Variants in BOD1L1 observed in about 807,000 individuals in gnomAD.
BOD1L1 encodes biorientation of chromosomes in cell division 1 like 1, also known as biorientation of chromosomes in cell division protein 1-like 1.
A neutral mutation model predicts 240.7 loss-of-function variants in BOD1L1; 86 were observed. The ratio of observed to expected loss-of-function variants is 0.36; its 90% CI spans 0.30 to 0.43. BOD1L1 has a LOEUF of 0.43. Ranked by LOEUF, BOD1L1 falls within the 20% of genes least tolerant of loss-of-function variation. The pLI is 1.00. For synonymous variants in BOD1L1, 1,268 were observed against 1,272.3 expected, an observed-to-expected ratio of 1.00 and a Z score of 0.07; for missense variants, 3,554 against 3,643.5, an observed-to-expected ratio of 0.98 and a Z score of 0.63.
intron 23 of BOD1L1, 28 bp from the exon 24 acceptor site, chr4:13,577,515 G>T: frequency 6.2e-7 from 1 of 1,609,224 alleles, no homozygotes. Context: ...AAAGTCAAAA[G>T]GGTGGTCAGC....
chr4:13,587,596 G>T (rs1004967813), intron 16 of BOD1L1, 103 bp downstream of exon 16: 16 of 821,008 alleles, frequency 1.9e-5, no homozygotes, highest in Non-Finnish European at 2.7e-5. Flanking sequence ...GTAAAGTAGA[G>T]AGTTACTATC....
intron 15 of BOD1L1, 132 bp downstream of exon 15, chr4:13,588,590 A>G: frequency 1.4e-6 from 1 of 692,126 alleles, no homozygotes; most frequent in Non-Finnish European, 2.3e-6. Flanking sequence ...TAAAAGTGAC[A>G]TGTGGAACTC....
At chr4:13,581,669 C>G (rs993195151) in intron 19 of BOD1L1, among the ~76,000 whole-genome samples, 3 of 152,162 alleles carry the variant, frequency 2.0e-5, no homozygotes, top group African/African-American at 7.2e-5. Context: ...GGCTGTGTCT[C>G]TTGATTTATG....
rs1179954745 is a variant in BOD1L1 at position 13,615,481 on chromosome 4, A to T, written c.390T>A (p.Gly130=). The T allele has an allele frequency of 4.4e-6, 7 of 1,608,522 alleles. No individual in the cohort carries two copies. Among genetic ancestry groups the T allele is most frequent in the Non-Finnish European group, 5.9e-6 (7 of 1,177,350 alleles). The change falls in exon 3 of 26, where the codon GGT becomes GGA. Residue 130 remains glycine (G), a synonymous_variant. Transcript: ENST00000040738. ...QVLKSGMLES[G]IDRIISQVVD... is the part of the protein sequence containing the mutation. ...CAACCTGAGAAATAATTCGGTCAAT[A>T]CCAGACTCCAACATTCCTGATCTGA...
intron 22 of BOD1L1, among the ~76,000 whole-genome samples, chr4:13,579,247 T>C (rs1713022055): frequency 6.6e-6 from 1 of 152,208 alleles, no homozygotes; most frequent in Admixed American, 6.5e-5. Context: ...TTATAAAGAT[T>C]TCTTGTATGG....
chr4:13,604,902 C>G lies in BOD1L1; in HGVS notation c.1998G>C (p.Gly666=), dbSNP rs1054368388. 6.2e-7 allele frequency: 1 copy of G among 1,613,260 alleles called. No individual in the cohort carries two copies. The highest frequency in any genetic ancestry group is 8.5e-7 in the Non-Finnish European group (1 of 1,179,676). ...CTCTTGTGTCAGTCTCTTCCTGTAC[C>G]CCCTCCATGATAACAGGGGTAGATG... ...RRTSTPVIME[G]VQEETDTRDV... is the part of the protein sequence containing the mutation. The change falls in exon 10 of 26, where the codon GGG becomes GGC. Residue 666 remains glycine (G), a synonymous_variant. Coordinates refer to ENST00000040738, the MANE Select transcript of BOD1L1 (RefSeq NM_148894.3).
At chr4:13,583,536 G>A (rs1713404162) in intron 17 of BOD1L1, among the ~76,000 whole-genome samples, 1 of 152,198 alleles carries the variant, frequency 6.6e-6, no homozygotes, top group South Asian at 2.1e-4. Flanking sequence ...GGGACTGGAA[G>A]GGGATGGATA....
At chr4:13,579,906 G>C in intron 22 of BOD1L1, 22 bp downstream of exon 22, 1 of 1,546,482 alleles carries the variant, frequency 6.5e-7, no homozygotes. Flanking sequence ...ATAACACACA[G>C]AGGAATGCGG....
chr4:13,599,526 A>G lies in BOD1L1; in HGVS notation c.7374T>C (p.Asn2458=). 1.2e-6 allele frequency: 2 copies of G among 1,613,952 alleles called. No homozygotes were observed. The highest frequency in any genetic ancestry group is 1.7e-6 in the Non-Finnish European group (2 of 1,179,872). ...GQKESTLHLI[N]AEEKNVLLNS... is the part of the protein sequence containing the mutation. ...TCAACAATACATTCTTCTCTTCTGC[A>G]TTTATGAGGTGTAAAGTGCTCTCTT... Residue 2458 remains asparagine (N), a synonymous_variant, in exon 10 of 26, where the codon AAT becomes AAC. Transcript: ENST00000040738.
intron 25 of BOD1L1, among the ~76,000 whole-genome samples, chr4:13,576,131 A>G (rs1577308434): frequency 6.6e-6 from 1 of 151,346 alleles, no homozygotes; most frequent in African/African-American, 2.4e-5. Context: ...CGATCTCCGG[A>G]CCTCGTGATT....
At position 13,627,703 on chromosome 4, in the gene BOD1L1, G is replaced by T; in HGVS notation, c.-116C>A. On this transcript the variant is annotated 5_prime_UTR_variant, in exon 1 of 26. Transcript: ENST00000040738. ...AACGGGATGTTGTTACGGAACCAGC[G>T]GATCCAGAGCAACCCCGGAAGTGAA... The T allele has an allele frequency of 1.1e-6, 1 of 920,306 alleles. No individual in the cohort carries two copies. The highest frequency in any genetic ancestry group is 1.3e-6 in the Non-Finnish European group (1 of 765,594). The allele number at this position is 920,306 out of a possible 1,614,324, so 57.0% of individuals were successfully genotyped here.
At chr4:13,620,129 G>A (rs1716931891) in intron 1 of BOD1L1, 62 bp from the exon 2 acceptor site, 2 of 1,468,660 alleles carry the variant, frequency 1.4e-6, no homozygotes, top group African/African-American at 2.8e-5. Flanking sequence ...TCACCTCTCA[G>A]AAAAGTATTT....
intron 3 of BOD1L1, 84 bp downstream of exon 3, chr4:13,615,228 G>A: frequency 7.6e-7 from 1 of 1,322,134 alleles, no homozygotes; most frequent in South Asian, 1.6e-5. Context: ...ATTAAAAAAT[G>A]TGTTAAAGAG....
Position 13,608,354 on chromosome 4 carries a change from T to G in BOD1L1, c.1742+176A>C, listed in dbSNP as rs75218078. Among the ~76,000 whole-genome samples, 615 of 152,288 alleles carry G rather than the reference T, an allele frequency of 4.0e-3. 5 individuals carry two copies. Among genetic ancestry groups the G allele is most frequent in the African/African-American group, 0.014 (589 of 41,552 alleles). ...CCCAAAAAGATTAGGATACACTACT[T>G]AGAAATGTTATAGATATTAACATTT... On this transcript the variant is annotated intron_variant, in intron 8 of 25. Coordinates refer to ENST00000040738, the MANE Select transcript of BOD1L1 (RefSeq NM_148894.3).
At position 13,627,443 on chromosome 4, in the gene BOD1L1, C is replaced by T. The variant is rs775303629; in HGVS notation, c.145G>A (p.Gly49Arg). ...GGAGGAGAGA[G>R]DPQLVAMIVN... ...ATCATGGCCACGAGCTGCGGGTCCC[C>T]GGCGCCCGCACCCGCGCCGCCCGCC... The change falls in exon 1 of 26, where the codon GGG (glycine) becomes AGG (arginine). Residue 49 changes from glycine (G) to arginine (R), a missense_variant. Around this residue, in one of 2 missense-constraint regions of BOD1L1, gnomAD observed 161 missense variants for 216.4 expected, o/e 0.74. Transcript: ENST00000040738. 11 of 1,278,808 alleles carry T rather than the reference C, an allele frequency of 8.6e-6. No individual in the cohort carries two copies. The Admixed American group carries it at 3.2e-4, about 37-fold the overall frequency. The allele number at this position is 1,278,808 out of a possible 1,614,324, so 79.2% of individuals were successfully genotyped here.
intron 25 of BOD1L1, among the ~76,000 whole-genome samples, chr4:13,575,674 G>A (rs968090357): frequency 4.6e-5 from 7 of 152,152 alleles, no homozygotes; most frequent in East Asian, 1.9e-4. Flanking sequence ...ATGAGCTACC[G>A]TGCTCAGCCT....
In BOD1L1 at chr4:13,627,623, G is replaced by A; in HGVS notation, c.-36C>T. ...GCCGGGGAGGGCAAGGGCCCTGACC[G>A]GCGGACGATCCTGGGAGGCGGCGGC... On this transcript the variant is annotated 5_prime_UTR_variant, in exon 1 of 26. Transcript: ENST00000040738. 1.4e-5 allele frequency: 16 copies of A among 1,152,382 alleles called. No homozygotes were observed. Among genetic ancestry groups the A allele is most frequent in the Non-Finnish European group, 1.7e-5 (16 of 935,962 alleles). 71.4% of individuals were successfully genotyped at this position (1,152,382 alleles called of 1,614,324 possible).
Position 13,611,010 on chromosome 4 carries a change from T to A in BOD1L1, c.1415A>T (p.His472Leu). The A allele has an allele frequency of 5.6e-6, 9 of 1,612,672 alleles. No individual in the cohort carries two copies. The highest frequency in any genetic ancestry group is 7.6e-6 in the Non-Finnish European group (9 of 1,178,954). Residue 472 changes from histidine to leucine, a missense_variant, in exon 6 of 26, where the codon CAC becomes CTC. By Grantham distance (99) the His-to-Leu change is moderately conservative (BLOSUM62 -3). This residue lies in a region of BOD1L1 where 3,393 missense variants were observed against 3,427.1 expected (regional missense o/e 0.99). Transcript: ENST00000040738. ...GTATTTTGAGTAAAGATATGGTTTG[T>A]GGACATACGCATGCCGTACACTTTT... ...KTKSVRHAYV[H>L]KPYLYSKYYS...
intron 1 of BOD1L1, among the ~76,000 whole-genome samples, chr4:13,622,941 C>T (rs941514994): frequency 6.6e-6 from 1 of 152,170 alleles, no homozygotes; most frequent in Non-Finnish European, 1.5e-5. Context: ...GCATACCTAC[C>T]TCACCTCTTG....
Sources: allele counts gnomAD v4.1 joint callset (sites outside exome capture counted in the v4.1 genomes callset), GRCh38; gene constraint gnomAD v4.1.1; regional missense constraint gnomAD v4.1.1; transcripts MANE v1.5; gene names NCBI Gene and HGNC (gene_info 2026-07-23, HGNC 2026-07-21).